Variants in MYZAP observed in about 807,000 individuals in gnomAD.
MYZAP encodes the protein myocardial zonula adherens protein.
A neutral mutation model predicts 69.4 loss-of-function variants in MYZAP; 66 were observed. That is an observed-to-expected ratio of 0.95 (90% CI 0.78 to 1.17). MYZAP has a LOEUF of 1.17. Ranked by LOEUF, MYZAP falls within the 50% of genes most tolerant of loss-of-function variation. MYZAP has a pLI of 0.00. For synonymous variants in MYZAP, 256 were observed against 205.9 expected, an observed-to-expected ratio of 1.24 and a Z score of -2.09; for missense variants, 611 against 556.2, an observed-to-expected ratio of 1.10 and a Z score of -0.99.
chr15:57,676,040 C>G (rs1470521014), intron 12 of MYZAP, among the ~76,000 whole-genome samples: 1 of 151,986 alleles, frequency 6.6e-6, no homozygotes, highest in African/African-American at 2.4e-5. Context: ...GATCACCAAG[C>G]TGGGGTGTGG....
intron 11 of MYZAP, among the ~76,000 whole-genome samples, chr15:57,669,919 T>G (rs1053778488): frequency 1.3e-5 from 2 of 152,182 alleles, no homozygotes; most frequent in Admixed American, 6.5e-5. Context: ...AGGCAGGTTA[T>G]TTAATTTCCA....
At chr15:57,658,536 G>A (rs1233412308) in intron 10 of MYZAP, among the ~76,000 whole-genome samples, 10 of 152,018 alleles carry the variant, frequency 6.6e-5, no homozygotes, top group East Asian at 1.9e-4. Context: ...ACTTTTATTC[G>A]TACCTAAGAA....
rs769052776 is a variant in MYZAP at position 57,592,019 on chromosome 15, C to T, written c.-16C>T. 2.1e-6 allele frequency: 3 copies of T among 1,431,580 alleles called. No individual in the cohort carries two copies. Among genetic ancestry groups the T allele is most frequent in the African/African-American group, 1.5e-5 (1 of 67,354 alleles). The allele number at this position is 1,431,580 out of a possible 1,614,324, so 88.7% of individuals were successfully genotyped here. On this transcript the variant is annotated 5_prime_UTR_variant, in exon 1 of 13. Coordinates refer to ENST00000267853, the MANE Select transcript of MYZAP (RefSeq NM_001018100.5). ...GGAACGCCGGCGTCCAGCCCGCTAC[C>T]GACCGCCGCTGCGGGATGCTGCGCT...
At chr15:57,621,139 A>T (rs2140395189) in intron 3 of MYZAP, among the ~76,000 whole-genome samples, 1 of 146,988 alleles carries the variant, frequency 6.8e-6, no homozygotes, top group East Asian at 2.0e-4. Context: ...GTTGGGGGTG[A>T]CCTTCTCCCT....
chr15:57,645,909 A>G (rs1409550975), intron 10 of MYZAP, among the ~76,000 whole-genome samples: 1 of 152,262 alleles, frequency 6.6e-6, no homozygotes, highest in Non-Finnish European at 1.5e-5. Context: ...CATCGCAAGT[A>G]TCTGCCATTT....
chr15:57,593,571 A>G (rs1220369485), intron 1 of MYZAP, among the ~76,000 whole-genome samples: 2 of 152,160 alleles, frequency 1.3e-5, no homozygotes, highest in African/African-American at 4.8e-5. Context: ...CTAGTATACA[A>G]ATAACATTTC....
At chr15:57,638,293 A>G (rs1738965249) in intron 9 of MYZAP, among the ~76,000 whole-genome samples, 2 of 152,160 alleles carry the variant, frequency 1.3e-5, no homozygotes, top group African/African-American at 4.8e-5. Context: ...AAGGAAAACA[A>G]GGTTGAGATG....
Position 57,618,070 on chromosome 15 carries a change from T to C in MYZAP, c.200T>C (p.Leu67Pro). The C allele has an allele frequency of 6.2e-7, 1 of 1,614,116 alleles. No individual in the cohort carries two copies. Among genetic ancestry groups the C allele is most frequent in the Non-Finnish European group, 8.5e-7 (1 of 1,180,010 alleles). Residue 67 changes from leucine (L) to proline (P), a missense_variant, in exon 3 of 13, where the codon CTT (leucine) becomes CCT (proline). Coordinates refer to ENST00000267853, the MANE Select transcript of MYZAP (RefSeq NM_001018100.5). Reference protein sequence around the residue: ...DLSNGEPTRKLPQGVVYGVVR... With the variant: ...DLSNGEPTRKPPQGVVYGVVR... ...AGCAATGGAGAACCTACCAGGAAAC[T>C]TCCTCAGGGTGTTGTTTATGGTGTG...
rs774467067 is a variant in MYZAP, at chr15:57,599,701, G to C, written c.76-4568G>C. The stretch of plus-strand genomic sequence containing the variant: ...GGAGATCAGCCTCGTAAAATGCTCG[G>C]AGGTAAGGAATGCTGCCTTGATGTT... On this transcript the variant is annotated intron_variant, in intron 1 of 12. Coordinates refer to ENST00000267853, the MANE Select transcript of MYZAP (RefSeq NM_001018100.5). 8.5e-6 allele frequency: 11 copies of C among 1,289,138 alleles called. No homozygotes were observed. In the South Asian group the frequency reaches 1.2e-4, roughly 14 times the overall value. 79.9% of individuals were successfully genotyped at this position (1,289,138 alleles called of 1,614,324 possible). A position where few individuals can be genotyped will look rare whatever the true frequency, so the allele number is the denominator to read the frequency against.
At chr15:57,652,232 C>T (rs984656439) in intron 10 of MYZAP, among the ~76,000 whole-genome samples, 10 of 152,098 alleles carry the variant, frequency 6.6e-5, no homozygotes, top group African/African-American at 9.7e-5. Flanking sequence ...TTTTCAGTTT[C>T]GTTTTGTTGT....
At chr15:57,643,958 A>T (rs576799927) in intron 10 of MYZAP, among the ~76,000 whole-genome samples, 10 of 152,258 alleles carry the variant, frequency 6.6e-5, no homozygotes, top group Admixed American at 6.5e-4. Context: ...TATAATTGAG[A>T]TGTTTAATAA....
At chr15:57,654,002 CAAAAAAAAAAAAAAAAAAA>C (rs398043344) in intron 10 of MYZAP, among the ~76,000 whole-genome samples, 1 of 36,084 alleles carries the variant, frequency 2.8e-5, no homozygotes, top group Non-Finnish European at 4.3e-5. Context: ...CAAACGCTGT[CAAAAAAAAAAAAAAAAAAA>C]AAAAAAAAAA....
intron 12 of MYZAP, among the ~76,000 whole-genome samples, chr15:57,677,502 G>A (rs562104375): frequency 1.3e-5 from 2 of 152,280 alleles, no homozygotes; most frequent in South Asian, 2.1e-4. Context: ...TAAATAGAGA[G>A]CTACTAAATG....
chr15:57,642,783 T>C (rs1306653069), intron 10 of MYZAP, among the ~76,000 whole-genome samples: 1 of 152,178 alleles, frequency 6.6e-6, no homozygotes, highest in Non-Finnish European at 1.5e-5. Context: ...TAATAATAAA[T>C]AATAAAAAGT....
chr15:57,612,421 G>C (rs2035165965), intron 2 of MYZAP, among the ~76,000 whole-genome samples: 1 of 152,100 alleles, frequency 6.6e-6, no homozygotes. Context: ...TTGACCAAGG[G>C]ATTTTCTTTT....
chr15:57,599,759 G>C, intron 1 of MYZAP: 2 of 1,225,708 alleles, frequency 1.6e-6, no homozygotes, highest in Non-Finnish European at 2.1e-6. Context: ...GGAGATTGCG[G>C]AAGGTGAATG....
rs1567247918 is a variant in MYZAP, at chr15:57,684,645, C to T, written c.*147C>T. The T allele has an allele frequency of 9.6e-6, 6 of 622,814 alleles. No homozygotes were observed. The highest frequency in any genetic ancestry group is 3.0e-4 in the Middle Eastern group (1 of 3,336). 38.6% of individuals were successfully genotyped at this position (622,814 alleles called of 1,614,324 possible). On this transcript the variant is annotated 3_prime_UTR_variant, in exon 13 of 13. Coordinates refer to ENST00000267853, the MANE Select transcript of MYZAP (RefSeq NM_001018100.5). The stretch of plus-strand genomic sequence containing the variant: ...CTGAGGCTCTGATCCACTTCTAAGA[C>T]AGGAAGGAAAGTGAAGGCAGAGTGA...
At chr15:57,613,369 T>A (rs775155465) in intron 2 of MYZAP, among the ~76,000 whole-genome samples, 8 of 152,154 alleles carry the variant, frequency 5.3e-5, no homozygotes, top group Non-Finnish European at 7.4e-5. Context: ...AATTTAAATT[T>A]AATTTAATTT....
intron 4 of MYZAP, among the ~76,000 whole-genome samples, chr15:57,622,768 G>T (rs1016861803): frequency 6.6e-6 from 1 of 152,162 alleles, no homozygotes; most frequent in Non-Finnish European, 1.5e-5. Context: ...AAAAATATGT[G>T]TGAATTCATT....
Sources: allele counts gnomAD v4.1 joint callset (sites outside exome capture counted in the v4.1 genomes callset), GRCh38; gene constraint gnomAD v4.1.1; transcripts MANE v1.5; gene names NCBI Gene and HGNC (gene_info 2026-07-23, HGNC 2026-07-21).